NRXN3: variants seen among roughly 807,000 people sequenced by gnomAD.
The protein encoded by NRXN3 is neurexin III.
A neutral mutation model predicts 137.6 loss-of-function variants in NRXN3; 32 were observed. The ratio of observed to expected loss-of-function variants is 0.23; its 90% CI spans 0.18 to 0.31. NRXN3 has a LOEUF of 0.31. NRXN3 is among the 10% of genes least tolerant of loss of function. The pLI is 1.00. For missense variants in NRXN3, 1,574 were observed against 2,062.5 expected (o/e 0.76, Z 4.59); for synonymous variants, 798 against 784.5 (o/e 1.02, Z -0.29).
At chr14:79,549,262 A>G (rs1170101458) in intron 16 of NRXN3, among the ~76,000 whole-genome samples, 2 of 152,098 alleles carry the variant, frequency 1.3e-5, no homozygotes, top group Non-Finnish European at 2.9e-5. Flanking sequence ...GAGATTCCAA[A>G]GAGAGACGGC....
chr14:78,829,975 A>G (rs1037291502), intron 10 of NRXN3, among the ~76,000 whole-genome samples: 1 of 152,198 alleles, frequency 6.6e-6, no homozygotes, highest in African/African-American at 2.4e-5. Context: ...GTGCTCTGTT[A>G]AGAATTGCCG....
At chr14:78,390,712 T>C (rs2090635119) in intron 4 of NRXN3, among the ~76,000 whole-genome samples, 1 of 152,336 alleles carries the variant, frequency 6.6e-6, no homozygotes, top group South Asian at 2.1e-4. Flanking sequence ...TACTTCCATG[T>C]ACATCTATTG....
chr14:79,441,339 A>G (rs996762443), intron 15 of NRXN3, among the ~76,000 whole-genome samples: 2 of 150,760 alleles, frequency 1.3e-5, no homozygotes, highest in Non-Finnish European at 3.0e-5. Context: ...AAAATGCTGA[A>G]AGAATATCCC....
At chr14:79,605,345 A>C (rs1205940438) in intron 16 of NRXN3, among the ~76,000 whole-genome samples, 4 of 152,114 alleles carry the variant, frequency 2.6e-5, no homozygotes, top group Non-Finnish European at 5.9e-5. Context: ...AAATTTTAAT[A>C]AAATTATTTT....
At chr14:78,942,603 A>G (rs538472036) in intron 10 of NRXN3, among the ~76,000 whole-genome samples, 9 of 152,302 alleles carry the variant, frequency 5.9e-5, no homozygotes, top group Admixed American at 2.6e-4. Context: ...AGAACAGAGG[A>G]TACTAGAGGC....
chr14:79,679,383 A>T (rs1267236361), intron 17 of NRXN3, among the ~76,000 whole-genome samples: 1 of 152,180 alleles, frequency 6.6e-6, no homozygotes, highest in African/African-American at 2.4e-5. Flanking sequence ...TTAATATTAC[A>T]TATAAAGTCA....
intron 4 of NRXN3, among the ~76,000 whole-genome samples, chr14:78,429,243 TA>T (rs892412731): frequency 6.6e-6 from 1 of 151,852 alleles, no homozygotes; most frequent in African/African-American, 2.4e-5. Context: ...TATATATATA[TA>T]TTTTTTGTAT....
At chr14:78,214,291 C>G (rs565949305) in intron 1 of NRXN3, among the ~76,000 whole-genome samples, 3 of 152,290 alleles carry the variant, frequency 2.0e-5, no homozygotes, top group Non-Finnish European at 4.4e-5. Flanking sequence ...CCAGAAGAGT[C>G]TCTTTCCTTC....
intron 10 of NRXN3, among the ~76,000 whole-genome samples, chr14:78,908,222 TC>T (rs1251806744): frequency 6.6e-6 from 1 of 152,116 alleles, no homozygotes; most frequent in Non-Finnish European, 1.5e-5. Context: ...TTAAATTCAA[TC>T]CTCTTATTTA....
intron 2 of NRXN3, among the ~76,000 whole-genome samples, chr14:78,269,611 T>C (rs2365681): frequency 0.5 from 75,962 of 152,098 alleles, 19,571 homozygotes; most frequent in Non-Finnish European, 0.56. Flanking sequence ...ATGTGTATTT[T>C]ATCACAATTC....
intron 19 of NRXN3, among the ~76,000 whole-genome samples, chr14:79,744,878 C>T (rs897885436): frequency 2.0e-5 from 3 of 151,908 alleles, no homozygotes; most frequent in East Asian, 1.9e-4. Context: ...CTGAAGTATC[C>T]GGAGCAGTCC....
chr14:79,196,206 A>G (rs184593437), intron 15 of NRXN3, among the ~76,000 whole-genome samples: 4 of 152,318 alleles, frequency 2.6e-5, no homozygotes, highest in East Asian at 3.9e-4. Context: ...GATCACATCT[A>G]TATGTGTTTT....
chr14:78,696,469 G>T (rs1374420496), intron 6 of NRXN3, among the ~76,000 whole-genome samples: 2 of 152,024 alleles, frequency 1.3e-5, no homozygotes, highest in Non-Finnish European at 2.9e-5. Flanking sequence ...CTACTTCAAA[G>T]ATGGGAAAAC....
intron 4 of NRXN3, among the ~76,000 whole-genome samples, chr14:78,477,065 ACT>A (rs1308749017): frequency 6.6e-6 from 1 of 151,778 alleles, no homozygotes; most frequent in Admixed American, 6.6e-5. Flanking sequence ...AACTTTGTAC[ACT>A]CTGCTGTATT....
chr14:79,046,850 A>G (rs2099633873), intron 15 of NRXN3, among the ~76,000 whole-genome samples: 1 of 152,232 alleles, frequency 6.6e-6, no homozygotes, highest in South Asian at 2.1e-4. Context: ...GGTTGTTTAT[A>G]TTAAATTTAA....
At chr14:79,457,864 A>G (rs1470900332) in intron 15 of NRXN3, among the ~76,000 whole-genome samples, 1 of 152,190 alleles carries the variant, frequency 6.6e-6, no homozygotes, top group Non-Finnish European at 1.5e-5. Context: ...GGAAAAGAAG[A>G]CAAATGTGTA....
chr14:79,373,320 GA>G (rs1000092437), intron 15 of NRXN3, among the ~76,000 whole-genome samples: 13 of 151,718 alleles, frequency 8.6e-5, no homozygotes, highest in East Asian at 3.9e-4. Flanking sequence ...GTTCTGGGGG[GA>G]AAAAAAAGGA....
intron 15 of NRXN3, among the ~76,000 whole-genome samples, chr14:79,257,388 A>T (rs368873054): frequency 1.6e-4 from 5 of 31,466 alleles, no homozygotes; most frequent in South Asian, 1.3e-3. Flanking sequence ...GGTGGTGGTG[A>T]TGGTGGTGGT....
At chr14:79,736,567 C>T (rs565547173) in intron 19 of NRXN3, among the ~76,000 whole-genome samples, 9 of 152,056 alleles carry the variant, frequency 5.9e-5, no homozygotes, top group Admixed American at 5.9e-4. Flanking sequence ...AACACCAGGT[C>T]GTGGGGGTGA....
Sources: allele counts gnomAD v4.1 joint callset (sites outside exome capture counted in the v4.1 genomes callset), GRCh38; gene constraint gnomAD v4.1.1; transcripts MANE v1.5; gene names NCBI Gene and HGNC (gene_info 2026-07-23, HGNC 2026-07-21).